The following PKIB variants were observed in gnomAD, a reference collection of about 807,000 sequenced individuals.
PKIB encodes cAMP-dependent protein kinase inhibitor beta.
Under a neutral mutation model 4.5 loss-of-function variants are expected in PKIB, and 2 were observed. That is an observed-to-expected ratio of 0.44 (90% CI 0.18 to 1.39). PKIB has a LOEUF of 1.39. Among genes scored for constraint, PKIB ranks in the 40% most tolerant of loss-of-function variants. PKIB has a pLI of 0.27. For synonymous variants in PKIB, 38 were observed against 36.0 expected (o/e 1.06, Z -0.20); for missense variants, 94 against 92.6 (o/e 1.02, Z -0.06).
intron 2 of PKIB, among the ~76,000 whole-genome samples, chr6:122,539,443 G>A (rs1253945361): frequency 1.3e-5 from 2 of 152,012 alleles, no homozygotes; most frequent in Admixed American, 6.6e-5. Context: ...AGATAATCAT[G>A]TGGTTTTTGT....
chr6:122,686,488 T>TTA lies in PKIB; in HGVS notation c.-9+11358_-9+11359dup, dbSNP rs748857307. On this transcript the variant is annotated intron_variant, in intron 3 of 4. Coordinates refer to ENST00000368452, the MANE Select transcript of PKIB (RefSeq NM_181795.3). ...ATTTTTTTTCAAATCTTTTGCCCAT[T>TTA]TATATATATATATATTTTTTATTTT... Among the ~76,000 whole-genome samples, 247 of 150,392 alleles carry TTA rather than the reference T, an allele frequency of 1.6e-3. 1 individual carries two copies. Among genetic ancestry groups the TTA allele is most frequent in the East Asian group, 4.5e-3 (23 of 5,158 alleles).
chr6:122,481,290 T>G (rs1415172676), intron 2 of PKIB: 1 of 152,112 alleles, frequency 6.6e-6, no homozygotes, highest in African/African-American at 2.4e-5. Flanking sequence ...TTATGCAACA[T>G]AAATGGCCTG....
chr6:122,722,127 T>C (rs1342172412), intron 4 of PKIB, among the ~76,000 whole-genome samples: 1 of 152,140 alleles, frequency 6.6e-6, no homozygotes, highest in Non-Finnish European at 1.5e-5. Flanking sequence ...AAGCACATAA[T>C]ATATGAAAAA....
At chr6:122,555,166 G>A (rs1390762358) in intron 2 of PKIB, among the ~76,000 whole-genome samples, 2 of 152,160 alleles carry the variant, frequency 1.3e-5, no homozygotes, top group Non-Finnish European at 2.9e-5. Flanking sequence ...TGATCCACTG[G>A]TTTGGGGGAA....
At chr6:122,576,347 G>C (rs955695554) in intron 2 of PKIB, among the ~76,000 whole-genome samples, 21 of 147,152 alleles carry the variant, frequency 1.4e-4, no homozygotes, top group Non-Finnish European at 2.8e-4. Context: ...CTTTTAATTT[G>C]TCAAAATACA....
intron 2 of PKIB, chr6:122,493,556 A>G (rs1377275985): frequency 2.0e-5 from 3 of 152,238 alleles, no homozygotes; most frequent in Non-Finnish European, 2.9e-5. Flanking sequence ...TATTATGCAT[A>G]TCTGAAGCTG....
chr6:122,529,060 A>G (rs1486232942), intron 2 of PKIB, among the ~76,000 whole-genome samples: 1 of 152,164 alleles, frequency 6.6e-6, no homozygotes, highest in Non-Finnish European at 1.5e-5. Flanking sequence ...TTACATTTAA[A>G]GTAATTACTG....
intron 3 of PKIB, among the ~76,000 whole-genome samples, chr6:122,697,287 G>T (rs925956881): frequency 6.6e-6 from 1 of 152,096 alleles, no homozygotes; most frequent in African/African-American, 2.4e-5. Flanking sequence ...TATGGGAGGA[G>T]AACTTGTAGT....
At chr6:122,640,552 T>A (rs773104353) in intron 2 of PKIB, among the ~76,000 whole-genome samples, 51 of 152,312 alleles carry the variant, frequency 3.3e-4, no homozygotes, top group Admixed American at 8.5e-4. Context: ...GCAAGTTGGA[T>A]GAGTTTGAAA....
intron 3 of PKIB, among the ~76,000 whole-genome samples, chr6:122,594,778 G>A (rs190794890): frequency 6.6e-6 from 1 of 152,106 alleles, no homozygotes; most frequent in Admixed American, 6.5e-5. Flanking sequence ...GGCTGTTGTA[G>A]TTTCCCATTG....
intron 2 of PKIB, among the ~76,000 whole-genome samples, chr6:122,560,448 T>C (rs993523431): frequency 1.3e-5 from 2 of 152,176 alleles, no homozygotes; most frequent in Non-Finnish European, 2.9e-5. Flanking sequence ...GCTAATATTT[T>C]GTTAAGGATT....
At chr6:122,623,105 G>T (rs1222655786) in intron 1 of PKIB, among the ~76,000 whole-genome samples, 3 of 152,136 alleles carry the variant, frequency 2.0e-5, no homozygotes, top group Non-Finnish European at 4.4e-5. Context: ...TTGGTCATGT[G>T]GGCCTGAATG....
chr6:122,649,919 C>T (rs1029556319), intron 2 of PKIB, among the ~76,000 whole-genome samples: 4 of 152,122 alleles, frequency 2.6e-5, no homozygotes, highest in Admixed American at 6.6e-5. Flanking sequence ...GCACCATCAC[C>T]GGATCTGATG....
intron 3 of PKIB, among the ~76,000 whole-genome samples, chr6:122,709,309 C>A (rs967517406): frequency 2.0e-5 from 3 of 152,128 alleles, no homozygotes; most frequent in African/African-American, 7.2e-5. Context: ...AACAAGAGGA[C>A]TAAGGGCAGT....
intron 2 of PKIB, among the ~76,000 whole-genome samples, chr6:122,642,601 A>G (rs1012640156): frequency 6.6e-6 from 1 of 152,132 alleles, no homozygotes; most frequent in Admixed American, 6.6e-5. Flanking sequence ...TCTAGGTAGG[A>G]GAATGTGGTC....
At chr6:122,707,628 T>C (rs1779114887) in intron 3 of PKIB, among the ~76,000 whole-genome samples, 1 of 152,200 alleles carries the variant, frequency 6.6e-6, no homozygotes, top group African/African-American at 2.4e-5. Context: ...AGTTGGTATA[T>C]GCTCTCTAAT....
intron 1 of PKIB, among the ~76,000 whole-genome samples, chr6:122,624,121 T>C (rs1775343029): frequency 6.6e-6 from 1 of 152,200 alleles, no homozygotes; most frequent in African/African-American, 2.4e-5. Flanking sequence ...ATTAAGTCTG[T>C]CTTCAGAATC....
intron 2 of PKIB, among the ~76,000 whole-genome samples, chr6:122,576,689 A>AATATATATATAT (rs1334771841): frequency 8.7e-4 from 30 of 34,306 alleles, no homozygotes; most frequent in Admixed American, 1.3e-3. Context: ...AAAAAAAAAA[A>AATATATATATAT]ATATATATAT....
chr6:122,590,910 G>A (rs1231438350), intron 3 of PKIB, among the ~76,000 whole-genome samples: 1 of 152,050 alleles, frequency 6.6e-6, no homozygotes, highest in Non-Finnish European at 1.5e-5. Flanking sequence ...AAGGGATTGA[G>A]ATAAAAGTGT....
Sources: gnomAD v4.1 joint callset for allele counts (sites outside exome capture counted in the v4.1 genomes callset) on GRCh38, gnomAD v4.1.1 for gene constraint, MANE v1.5 for transcripts, NCBI Gene and HGNC (gene_info 2026-07-23, HGNC 2026-07-21) for gene names.